The following ZNF560 variants were observed in gnomAD, a reference collection of about 807,000 sequenced individuals.
The protein encoded by ZNF560 is zinc finger protein 560.
ZNF560 carries 54 observed loss-of-function variants against 81.8 expected under a neutral mutation model. The observed-to-expected ratio is 0.66, with a 90% CI of 0.53 to 0.83. The LOEUF (loss-of-function observed/expected upper bound fraction) is 0.83, where lower values mean the gene tolerates loss of function less well. ZNF560 is among the 40% of genes least tolerant of loss of function. The pLI is 0.00. For missense variants in ZNF560, 940 were observed against 932.4 expected, an observed-to-expected ratio of 1.01 and a Z score of -0.11; for synonymous variants, 321 against 317.9, an observed-to-expected ratio of 1.01 and a Z score of -0.10.
intron 2 of ZNF560, among the ~76,000 whole-genome samples, chr19:9,497,576 A>G (rs1335976823): frequency 6.6e-6 from 1 of 151,830 alleles, no homozygotes; most frequent in African/African-American, 2.4e-5. Flanking sequence ...TCATCTCTGC[A>G]ATGAATTTCC....
chr19:9,503,458 C>A (rs983465907), upstream of ZNF560, among the ~76,000 whole-genome samples: 1 of 152,156 alleles, frequency 6.6e-6, no homozygotes, highest in Admixed American at 6.6e-5. Flanking sequence ...CTGGTTCATA[C>A]GATTGTCTTC....
At chr19:9,479,111 C>G (rs995087155) in intron 2 of ZNF560, among the ~76,000 whole-genome samples, 1 of 151,618 alleles carries the variant, frequency 6.6e-6, no homozygotes, top group African/African-American at 2.4e-5. Flanking sequence ...CGCTTGAACC[C>G]AGCAGATGAA....
chr19:9,461,464 T>C (rs989879969), downstream of ZNF560, among the ~76,000 whole-genome samples: 1 of 152,212 alleles, frequency 6.6e-6, no homozygotes, highest in African/African-American at 2.4e-5. Flanking sequence ...CAGTGTTTCA[T>C]TGCTACTTTA....
At chr19:9,466,067 C>A (rs113566198), downstream of ZNF560, among the ~76,000 whole-genome samples, 7,340 of 152,096 alleles carry the variant, frequency 0.048, 608 homozygotes, top group African/African-American at 0.17. Flanking sequence ...AGAAGAATGC[C>A]AGGTGCAGTG....
In ZNF560 at chr19:9,469,727, A is replaced by G. The variant is rs1171503210; in HGVS notation, c.449-17T>C. 1 of 1,612,090 alleles carries G rather than the reference A, an allele frequency of 6.2e-7. No homozygotes were observed. Among genetic ancestry groups the G allele is most frequent in the Admixed American group, 1.7e-5 (1 of 60,010 alleles). The stretch of plus-strand genomic sequence containing the variant: ...GCTGGTAACCTGTACACAGGGAAAG[A>G]TACACCAATGGAAGAGGCTCATGCA... On this transcript the variant is annotated splice_polypyrimidine_tract_variant and intron_variant, in intron 7 of 9. Coordinates refer to ENST00000301480, the MANE Select transcript of ZNF560 (RefSeq NM_152476.3).
At chr19:9,483,502 C>T (rs1452154185) in intron 2 of ZNF560, among the ~76,000 whole-genome samples, 14 of 146,624 alleles carry the variant, frequency 9.5e-5, no homozygotes, top group African/African-American at 2.8e-4. Flanking sequence ...GGTCAGCCCC[C>T]GCCCGGCCAG....
chr19:9,483,622 G>T (rs1486877191), intron 2 of ZNF560, among the ~76,000 whole-genome samples: 1 of 148,428 alleles, frequency 6.7e-6, no homozygotes, highest in Non-Finnish European at 1.5e-5. Flanking sequence ...CCGTCTGGGA[G>T]GGAGGTGGGG....
intron 7 of ZNF560, among the ~76,000 whole-genome samples, chr19:9,470,166 A>T (rs1430500947): frequency 6.6e-6 from 1 of 152,216 alleles, no homozygotes; most frequent in African/African-American, 2.4e-5. Flanking sequence ...CACATATCTA[A>T]GACAGTGATG....
intron 2 of ZNF560, among the ~76,000 whole-genome samples, chr19:9,478,128 A>C (rs1257819756): frequency 1.3e-5 from 2 of 152,212 alleles, no homozygotes; most frequent in Non-Finnish European, 1.5e-5. Flanking sequence ...CAAAGTGAAG[A>C]TCTTGGAAGC....
intron 2 of ZNF560, among the ~76,000 whole-genome samples, chr19:9,485,117 C>A (rs554093736): frequency 3.0e-4 from 46 of 152,286 alleles, no homozygotes; most frequent in African/African-American, 1.1e-3. Flanking sequence ...CCATCAAACA[C>A]ACACCTAGGA....
chr19:9,451,912 C>T, the ZNF560 span, among the ~76,000 whole-genome samples: 4 of 151,994 alleles, frequency 2.6e-5, no homozygotes, highest in Admixed American at 6.6e-5. Context: ...CCCATCTCTA[C>T]CAAAAATACA....
At chr19:9,499,063 CT>C (rs1220831006), upstream of ZNF560, among the ~76,000 whole-genome samples, 6 of 152,220 alleles carry the variant, frequency 3.9e-5, no homozygotes, top group African/African-American at 1.4e-4. Context: ...TCTCTTATTT[CT>C]TTTTATTTAT....
At chr19:9,458,662 G>A in the ZNF560 span, among the ~76,000 whole-genome samples, 86 of 152,260 alleles carry the variant, frequency 5.6e-4, 1 homozygote, top group African/African-American at 2.0e-3. Context: ...CCTCTTCCAG[G>A]ACCTTTGACT....
intron 2 of ZNF560, among the ~76,000 whole-genome samples, chr19:9,487,527 T>C (rs1024092642): frequency 3.9e-5 from 6 of 152,270 alleles, no homozygotes; most frequent in South Asian, 2.1e-4. Flanking sequence ...ATTATACTCA[T>C]AGATCCTAGA....
chr19:9,467,533 A>G lies in ZNF560; in HGVS notation c.1414T>C (p.Ser472Pro). 6.2e-7 allele frequency: 1 copy of G among 1,614,078 alleles called. No homozygotes were observed. Among genetic ancestry groups the G allele is most frequent in the Non-Finnish European group, 8.5e-7 (1 of 1,180,018 alleles). The change falls in exon 10 of 10, where the codon TCC becomes CCC. Residue 472 changes from serine (S) to proline (P), a missense_variant. Transcript: ENST00000301480. ...HKEYGKAFGTSSGVIEDRRSN... is the reference protein window; with the variant it reads ...HKEYGKAFGTPSGVIEDRRSN... ...CTTCTATCTTCAATAACACCTGAGGATGTACCAAAGGCCTTCCCATATTCC... is the reference window on the plus strand; with the variant it reads ...CTTCTATCTTCAATAACACCTGAGGGTGTACCAAAGGCCTTCCCATATTCC...
At chr19:9,496,351 AC>A (rs2073557724) in intron 2 of ZNF560, among the ~76,000 whole-genome samples, 1 of 151,808 alleles carries the variant, frequency 6.6e-6, no homozygotes, top group Non-Finnish European at 1.5e-5. Flanking sequence ...AAAACAAAAA[AC>A]AAAAAACAAA....
intron 7 of ZNF560, among the ~76,000 whole-genome samples, chr19:9,470,147 G>A (rs2073098132): frequency 1.3e-5 from 2 of 152,224 alleles, no homozygotes; most frequent in South Asian, 4.1e-4. Context: ...CATCGAGTCT[G>A]AGAATGTACA....
intron 2 of ZNF560, among the ~76,000 whole-genome samples, chr19:9,497,190 T>G (rs901876058): frequency 6.6e-6 from 1 of 152,060 alleles, no homozygotes; most frequent in Non-Finnish European, 1.5e-5. Context: ...TTAGAAGAAT[T>G]TGGAGAATTT....
At chr19:9,486,274 C>T (rs960997744) in intron 2 of ZNF560, among the ~76,000 whole-genome samples, 1 of 152,104 alleles carries the variant, frequency 6.6e-6, no homozygotes, top group African/African-American at 2.4e-5. Context: ...AACTTTATGA[C>T]AAAGACTCTT....
Sources: gnomAD v4.1 joint callset for allele counts (sites outside exome capture counted in the v4.1 genomes callset) on GRCh38, gnomAD v4.1.1 for gene constraint, MANE v1.5 for transcripts, NCBI Gene and HGNC (gene_info 2026-07-23, HGNC 2026-07-21) for gene names.